The following LMX1B variants were observed in gnomAD, a reference collection of about 807,000 sequenced individuals.
LMX1B encodes LIM homeobox transcription factor 1 beta, also known as LIM homeobox transcription factor 1-beta.
A neutral mutation model predicts 51.4 loss-of-function variants in LMX1B; 12 were observed. That is an observed-to-expected ratio of 0.23 (90% CI 0.15 to 0.38). The LOEUF (loss-of-function observed/expected upper bound fraction) is 0.38. Ranked by LOEUF, LMX1B falls within the 10% of genes least tolerant of loss-of-function variation. LMX1B has a pLI of 1.00. For synonymous variants in LMX1B, 237 were observed against 235.4 expected (o/e 1.01, Z -0.06); for missense variants, 445 against 571.1 (o/e 0.78, Z 2.25).
intron 2 of LMX1B, among the ~76,000 whole-genome samples, chr9:126,652,807 G>A (rs1382347292): frequency 6.6e-6 from 1 of 152,234 alleles, no homozygotes; most frequent in African/African-American, 2.4e-5. Context: ...CAGGAGCAGA[G>A]GTTGTGACAT....
chr9:126,653,865 T>C (rs1183994220), intron 2 of LMX1B, among the ~76,000 whole-genome samples: 1 of 151,952 alleles, frequency 6.6e-6, no homozygotes, highest in African/African-American at 2.4e-5. Context: ...TCTTGGTATC[T>C]CTCATCTTTA....
intron 2 of LMX1B, among the ~76,000 whole-genome samples, chr9:126,631,098 G>T (rs1440029357): frequency 6.6e-6 from 1 of 152,242 alleles, no homozygotes; most frequent in Non-Finnish European, 1.5e-5. Flanking sequence ...CCCCCTGTGG[G>T]ATGTCAGCCT....
intron 2 of LMX1B, among the ~76,000 whole-genome samples, chr9:126,686,148 C>T (rs892575489): frequency 3.3e-5 from 5 of 151,826 alleles, no homozygotes; most frequent in Admixed American, 1.3e-4. Context: ...GGCGTGGTGG[C>T]GGGTGCCTAT....
chr9:126,616,861 G>C (rs1835312025), intron 2 of LMX1B, among the ~76,000 whole-genome samples: 1 of 152,212 alleles, frequency 6.6e-6, no homozygotes, highest in Non-Finnish European at 1.5e-5. Flanking sequence ...GGCTGTGCCT[G>C]GTGGTCTGGG....
chr9:126,686,810 G>A (rs1339314167), intron 2 of LMX1B, among the ~76,000 whole-genome samples: 2 of 152,256 alleles, frequency 1.3e-5, no homozygotes, highest in Non-Finnish European at 2.9e-5. Context: ...TGTAAAATGG[G>A]AATGGAAACA....
chr9:126,641,000 G>C (rs1351125798), intron 2 of LMX1B: 1 of 152,352 alleles, frequency 6.6e-6, no homozygotes, highest in African/African-American at 2.4e-5. Context: ...GGAGTTGAGA[G>C]AGACTCCAGA....
In LMX1B at chr9:126,696,017, C is replaced by CGGGGGCG; in HGVS notation, c.1051+14_1051+15insGGGGGCG. Reference sequence around the variant, plus strand: ...TGAACCCCTATGGTAAGCCGCCCTACCCCCACCCGCCCGCCCCAGCACAGC... The same window carrying CGGGGGCG: ...TGAACCCCTATGGTAAGCCGCCCTACGGGGGCGCCCCACCCGCCCGCCCCAGCACAGC... On this transcript the variant is annotated intron_variant, in intron 7 of 7. Coordinates refer to ENST00000373474, the MANE Select transcript of LMX1B (RefSeq NM_001174147.2). The CGGGGGCG allele has an allele frequency of 6.7e-7, 1 of 1,497,314 alleles. No individual in the cohort carries two copies. The highest frequency in any genetic ancestry group is 8.9e-7 in the Non-Finnish European group (1 of 1,122,882). 92.8% of individuals were successfully genotyped at this position (1,497,314 alleles called of 1,614,324 possible).
At chr9:126,669,302 C>T (rs757599558) in intron 2 of LMX1B, among the ~76,000 whole-genome samples, 2 of 152,060 alleles carry the variant, frequency 1.3e-5, no homozygotes, top group African/African-American at 2.4e-5. Context: ...GCGGATGAGG[C>T]CTGGGGAGAG....
At chr9:126,674,420 C>A (rs765323331) in intron 2 of LMX1B, among the ~76,000 whole-genome samples, 3 of 152,290 alleles carry the variant, frequency 2.0e-5, no homozygotes, top group African/African-American at 7.2e-5. Flanking sequence ...CAGCAACAGG[C>A]CCCTGCTAAG....
intron 2 of LMX1B, among the ~76,000 whole-genome samples, chr9:126,670,642 G>T (rs1836431955): frequency 6.6e-6 from 1 of 152,138 alleles, no homozygotes; most frequent in South Asian, 2.1e-4. Context: ...TGAGGGCCTA[G>T]ACTGTTGGCA....
intron 2 of LMX1B, among the ~76,000 whole-genome samples, chr9:126,639,903 T>C (rs1588274041): frequency 6.6e-6 from 1 of 152,390 alleles, no homozygotes; most frequent in African/African-American, 2.4e-5. Flanking sequence ...AATGCAATTA[T>C]GGATTTTATA....
At chr9:126,653,116 G>A (rs1276204988) in intron 2 of LMX1B, among the ~76,000 whole-genome samples, 2 of 119,096 alleles carry the variant, frequency 1.7e-5, no homozygotes, top group African/African-American at 3.3e-5. Flanking sequence ...ATTCCCCTCT[G>A]TGTTTTGTTT....
chr9:126,689,147 G>A (rs2030019622), intron 2 of LMX1B, among the ~76,000 whole-genome samples: 1 of 152,246 alleles, frequency 6.6e-6, no homozygotes, highest in South Asian at 2.1e-4. Context: ...GTTGGGCATT[G>A]CAGGATGAGT....
At chr9:126,685,269 G>GA (rs1836749321) in intron 2 of LMX1B, among the ~76,000 whole-genome samples, 1 of 152,196 alleles carries the variant, frequency 6.6e-6, no homozygotes, top group Non-Finnish European at 1.5e-5. Flanking sequence ...AAGGAGGCAA[G>GA]AAGGGACTTG....
chr9:126,686,141 G>T (rs374565233), intron 2 of LMX1B, among the ~76,000 whole-genome samples: 2 of 151,976 alleles, frequency 1.3e-5, no homozygotes, highest in Non-Finnish European at 2.9e-5. Flanking sequence ...TTAGCCGGGC[G>T]TGGTGGCGGG....
rs1045350679 is a variant in LMX1B, at chr9:126,625,976, C to A, written c.326+10407C>A. 2.0e-5 allele frequency among the ~76,000 whole-genome samples: 3 copies of A among 152,258 alleles called. No homozygotes were observed. Among genetic ancestry groups the A allele is most frequent in the African/African-American group, 7.2e-5 (3 of 41,474 alleles). On this transcript the variant is annotated intron_variant, in intron 2 of 7. Transcript: ENST00000373474. This position sits in a 1 kb window ranked among gnomAD's most constrained non-coding sequence, Gnocchi z 5.3. ...CGGGTCACTGCACCGGCTGAAAAAA[C>A]CAAAAGCAAAACCAACACCCAGAAA...
At position 126,697,741 on chromosome 9, in the gene LMX1B, C is replaced by A. The variant is rs1040365466; in HGVS notation, c.*1290C>A. 4 of 152,490 alleles carry A rather than the reference C, an allele frequency of 2.6e-5. No individual in the cohort carries two copies. Among genetic ancestry groups the A allele is most frequent in the African/African-American group, 9.6e-5 (4 of 41,480 alleles). 9.4% of individuals were successfully genotyped at this position (152,490 alleles called of 1,614,324 possible). ...ATTTGGCCACATGACCTTAGAGATT[C>A]ACCCTGCCCTGCTGTAGCTAAATCC... is the stretch of plus-strand genomic sequence containing the variant. On this transcript the variant is annotated 3_prime_UTR_variant, in exon 8 of 8. Transcript: ENST00000373474.
At chr9:126,690,747 G>C in intron 2 of LMX1B, 89 bp from the exon 3 acceptor site, 17 of 1,158,576 alleles carry the variant, frequency 1.5e-5, no homozygotes, top group Non-Finnish European at 2.1e-5. Flanking sequence ...CTGAGGGTCA[G>C]GGTGGCAAGA....
chr9:126,646,555 G>C (rs926612326), intron 2 of LMX1B, among the ~76,000 whole-genome samples: 1 of 152,228 alleles, frequency 6.6e-6, no homozygotes, highest in African/African-American at 2.4e-5. Flanking sequence ...CACAGTCCAG[G>C]GGAGAGATTG....
Sources: gnomAD v4.1 joint callset for allele counts (sites outside exome capture counted in the v4.1 genomes callset) on GRCh38, gnomAD v4.1.1 for gene constraint, Gnocchi (gnomAD v3.1) non-coding constraint, MANE v1.5 for transcripts, NCBI Gene and HGNC (gene_info 2026-07-23, HGNC 2026-07-21) for gene names.